HIBADH: variants seen among roughly 807,000 people sequenced by gnomAD.
HIBADH encodes the protein 3-hydroxyisobutyrate dehydrogenase, also known as 3-hydroxyisobutyrate dehydrogenase, mitochondrial.
Under a neutral mutation model 36.1 loss-of-function variants are expected in HIBADH, and 25 were observed. That is an observed-to-expected ratio of 0.69 (90% CI 0.50 to 0.97). The LOEUF is 0.97. Ranked by LOEUF, HIBADH falls within the 50% of genes least tolerant of loss-of-function variation. The pLI is 0.00. For missense variants in HIBADH, 421 were observed against 418.0 expected (o/e 1.01, Z -0.06); for synonymous variants, 160 against 149.5 (o/e 1.07, Z -0.51).
At chr7:27,639,867 C>G (rs1361275651) in intron 2 of HIBADH, among the ~76,000 whole-genome samples, 1 of 152,084 alleles carries the variant, frequency 6.6e-6, no homozygotes, top group Non-Finnish European at 1.5e-5. Context: ...ATTAAGTAGT[C>G]CTGTAAAACA....
At chr7:27,598,127 A>G (rs1390522200) in intron 4 of HIBADH, among the ~76,000 whole-genome samples, 1 of 152,228 alleles carries the variant, frequency 6.6e-6, no homozygotes, top group Non-Finnish European at 1.5e-5. Flanking sequence ...AGCTTTCAAC[A>G]CAAGTGTAGA....
intron 4 of HIBADH, among the ~76,000 whole-genome samples, chr7:27,599,104 G>A (rs1411049125): frequency 3.3e-5 from 5 of 151,870 alleles, no homozygotes; most frequent in Non-Finnish European, 7.4e-5. Context: ...AGTTCGTTAC[G>A]GAAAGGGAAT....
chr7:27,529,562 G>C (rs1404134439), intron 7 of HIBADH, among the ~76,000 whole-genome samples: 3 of 152,212 alleles, frequency 2.0e-5, no homozygotes, highest in Non-Finnish European at 4.4e-5. Context: ...GCCTGCAGAT[G>C]TGACTGAATT....
chr7:27,526,902 TAGG>T (rs1164808974), intron 7 of HIBADH, among the ~76,000 whole-genome samples: 1 of 151,996 alleles, frequency 6.6e-6, no homozygotes, highest in African/African-American at 2.4e-5. Context: ...TATAATTGGA[TAGG>T]AGGAGTACTA....
intron 1 of HIBADH, among the ~76,000 whole-genome samples, chr7:27,657,850 A>C (rs1037800976): frequency 6.6e-6 from 1 of 152,154 alleles, no homozygotes; most frequent in Non-Finnish European, 1.5e-5. Flanking sequence ...ACAACATTTG[A>C]TCAATAAAAG....
intron 6 of HIBADH, among the ~76,000 whole-genome samples, chr7:27,535,913 AAAATT>A (rs1189562873): frequency 1.3e-5 from 2 of 152,152 alleles, no homozygotes; most frequent in East Asian, 3.8e-4. Flanking sequence ...GACTTAGAAT[AAAATT>A]AATCAGAAAT....
At chr7:27,652,895 A>T (rs1786223344) in intron 1 of HIBADH, among the ~76,000 whole-genome samples, 1 of 152,102 alleles carries the variant, frequency 6.6e-6, no homozygotes, top group East Asian at 1.9e-4. Flanking sequence ...TTGGGAGGCC[A>T]AAGTGGGTGG....
chr7:27,591,280 G>C (rs944925364), intron 4 of HIBADH, among the ~76,000 whole-genome samples: 1 of 151,950 alleles, frequency 6.6e-6, no homozygotes, highest in Non-Finnish European at 1.5e-5. Flanking sequence ...GGCCGGGCGT[G>C]GTGGCTCACG....
At chr7:27,568,716 C>A (rs948971545) in intron 4 of HIBADH, among the ~76,000 whole-genome samples, 1 of 152,056 alleles carries the variant, frequency 6.6e-6, no homozygotes, top group African/African-American at 2.4e-5. Flanking sequence ...AGTGATCCAC[C>A]CACTTTAGTC....
chr7:27,574,216 TG>T (rs1784670569), intron 4 of HIBADH, among the ~76,000 whole-genome samples: 1 of 144,740 alleles, frequency 6.9e-6, no homozygotes, highest in African/African-American at 2.6e-5. Context: ...ATTAGATAGT[TG>T]GAATTTTGGA....
At chr7:27,526,473 C>A (rs894834916) in intron 7 of HIBADH, 101 bp from the exon 8 acceptor site, 2 of 903,690 alleles carry the variant, frequency 2.2e-6, no homozygotes, top group African/African-American at 1.7e-5. Flanking sequence ...AAAATGTAAT[C>A]TGAAAAAATA....
At chr7:27,625,326 T>C (rs1288438997) in intron 4 of HIBADH, among the ~76,000 whole-genome samples, 5 of 152,178 alleles carry the variant, frequency 3.3e-5, no homozygotes, top group African/African-American at 1.2e-4. Flanking sequence ...AGTAAGCCAG[T>C]GGCTCTAGTA....
intron 4 of HIBADH, among the ~76,000 whole-genome samples, chr7:27,574,493 C>G (rs148864184): frequency 6.6e-6 from 1 of 151,756 alleles, no homozygotes; most frequent in African/African-American, 2.4e-5. Flanking sequence ...TTCCAAACTC[C>G]AAACAGGTAA....
chr7:27,533,447 T>C (rs990486431), intron 6 of HIBADH, among the ~76,000 whole-genome samples: 7 of 152,078 alleles, frequency 4.6e-5, no homozygotes, highest in East Asian at 3.9e-4. Flanking sequence ...CTTCAGGAGA[T>C]AGTTATTCCC....
chr7:27,571,302 A>C (rs949517543), intron 4 of HIBADH, among the ~76,000 whole-genome samples: 2 of 152,038 alleles, frequency 1.3e-5, no homozygotes, highest in African/African-American at 4.8e-5. Context: ...GGTCTACTGC[A>C]ACCTCTGCCT....
chr7:27,638,308 C>CAAAAAAAAAAAAAAAAAAAAAAA (rs368715218), intron 2 of HIBADH, among the ~76,000 whole-genome samples: 17 of 55,464 alleles, frequency 3.1e-4, no homozygotes, highest in African/African-American at 8.9e-4. Flanking sequence ...TTGGCAAAGT[C>CAAAAAAAAAAAAAAAAAAAAAAA]AAAAAAAAAA....
chr7:27,562,288 A>T (rs1272616498), intron 4 of HIBADH, among the ~76,000 whole-genome samples: 2 of 152,182 alleles, frequency 1.3e-5, no homozygotes, highest in African/African-American at 4.8e-5. Context: ...AAGTTAATCA[A>T]ATCTTGATCT....
At chr7:27,568,247 G>C (rs1784577521) in intron 4 of HIBADH, among the ~76,000 whole-genome samples, 1 of 151,964 alleles carries the variant, frequency 6.6e-6, no homozygotes, top group African/African-American at 2.4e-5. Flanking sequence ...ATTTTTCTGA[G>C]TTTTCCTTTA....
At chr7:27,646,681 C>G (rs983498031) in intron 2 of HIBADH, among the ~76,000 whole-genome samples, 1 of 148,186 alleles carries the variant, frequency 6.7e-6, no homozygotes, top group Non-Finnish European at 1.5e-5. Context: ...CACACAACCA[C>G]GCCCAGCATT....
Sources: allele counts gnomAD v4.1 joint callset (sites outside exome capture counted in the v4.1 genomes callset), GRCh38; gene constraint gnomAD v4.1.1; transcripts MANE v1.5; gene names NCBI Gene and HGNC (gene_info 2026-07-23, HGNC 2026-07-21).